Variants in CLDN10 observed in about 807,000 individuals in gnomAD.
CLDN10 encodes claudin 10.
In CLDN10, 15 loss-of-function variants were observed where a neutral mutation model predicts 22.9. That is an observed-to-expected ratio of 0.65 (90% confidence interval 0.44 to 1.01). The LOEUF (loss-of-function observed/expected upper bound fraction) is 1.01, where lower values mean the gene tolerates loss of function less well. Ranked by LOEUF, CLDN10 falls within the 50% of genes least tolerant of loss-of-function variation. The probability of loss-of-function intolerance (pLI) is 0.00; values close to 1 mark genes in which losing one functional copy is unlikely to be tolerated. For missense variants in CLDN10, 247 were observed against 287.8 expected (o/e 0.86, Z 1.03); for synonymous variants, 114 against 111.4 (o/e 1.02, Z -0.15).
chr13:95,498,553 C>T (rs1004530015), intron 1 of CLDN10, among the ~76,000 whole-genome samples: 3 of 152,090 alleles, frequency 2.0e-5, no homozygotes, highest in African/African-American at 7.2e-5. Flanking sequence ...AGCCACCACG[C>T]CTGGCTGATT....
chr13:95,498,356 A>G (rs190037363), intron 1 of CLDN10, among the ~76,000 whole-genome samples: 1 of 152,104 alleles, frequency 6.6e-6, no homozygotes, highest in Non-Finnish European at 1.5e-5. Context: ...CACACACAAG[A>G]TGTCTATGGG....
Position 95,577,925 on chromosome 13 carries a change from G to C in CLDN10, c.598G>C (p.Val200Leu). ...ATACACATACAACGGGGCCACATCT[G>C]TCATGTCTTCTCGGACAAAGTATCA... ...PRYTYNGATS[V>L]MSSRTKYHGG... is the part of the protein sequence containing the mutation. Residue 200 changes from valine (V) to leucine (L), a missense_variant, in exon 5 of 5, where the codon GTC (valine) becomes CTC (leucine). Physicochemically the swap from Val to Leu is conservative, Grantham distance 32 (BLOSUM62 1). Transcript: ENST00000299339. 6.2e-7 allele frequency: 1 copy of C among 1,613,474 alleles called. No individual in the cohort carries two copies. The highest frequency in any genetic ancestry group is 8.5e-7 in the Non-Finnish European group (1 of 1,179,510).
chr13:95,555,047 G>GTTTTTTTTTTT (rs71211686), intron 1 of CLDN10, among the ~76,000 whole-genome samples: 5 of 108,670 alleles, frequency 4.6e-5, no homozygotes, highest in East Asian at 2.8e-4. Context: ...TGTTAATCCA[G>GTTTTTTTTTTT]TTTTTTTTTT....
intron 1 of CLDN10, among the ~76,000 whole-genome samples, chr13:95,484,389 A>G (rs1490725962): frequency 1.3e-5 from 2 of 152,206 alleles, no homozygotes; most frequent in African/African-American, 4.8e-5. Flanking sequence ...TTCCATGTAG[A>G]ATCTATCCTA....
At position 95,471,456 on chromosome 13, in the gene CLDN10, T is replaced by A. The variant is rs1398506230; in HGVS notation, c.214+37409T>A. The stretch of plus-strand genomic sequence containing the variant: ...ACACACACACATATATATATATATT[T>A]TTTTTTTTTTTTTTGAGATGGAGTC... On this transcript the variant is annotated intron_variant, in intron 1 of 4. Coordinates refer to the CLDN10 transcript ENST00000376873. Among the ~76,000 whole-genome samples the A allele has an allele frequency of 6.3e-3, 891 of 140,734 alleles. 5 individuals are homozygous for A. The highest frequency in any genetic ancestry group is 0.017 in the East Asian group (84 of 4,868). 92.3% of individuals were successfully genotyped at this position (140,734 alleles called of 152,430 possible). A position where few individuals can be genotyped will look rare whatever the true frequency, so the allele number is the denominator to read the frequency against.
At position 95,577,917 on chromosome 13, in the gene CLDN10, C is replaced by T; in HGVS notation, c.590C>T (p.Ala197Val). ...CCTTTCAGATACACATACAACGGGG[C>T]CACATCTGTCATGTCTTCTCGGACA... ...NKTPRYTYNG[A>V]TSVMSSRTKY... Residue 197 changes from alanine (A) to valine (V), a missense_variant, in exon 5 of 5, where the codon GCC becomes GTC. By Grantham distance (64) the Ala-to-Val change is moderately conservative. Coordinates refer to ENST00000299339, the MANE Select transcript of CLDN10 (RefSeq NM_006984.5). 6.2e-7 allele frequency: 1 copy of T among 1,612,538 alleles called. No homozygotes were observed. The highest frequency in any genetic ancestry group is 8.5e-7 in the Non-Finnish European group (1 of 1,178,788).
intron 1 of CLDN10, among the ~76,000 whole-genome samples, chr13:95,545,913 G>T (rs1054817531): frequency 1.3e-5 from 2 of 152,126 alleles, no homozygotes; most frequent in African/African-American, 4.8e-5. Flanking sequence ...CTCAAAGCAC[G>T]CAGAAGACAG....
At chr13:95,467,829 G>A (rs1367570285) in intron 1 of CLDN10, among the ~76,000 whole-genome samples, 1 of 152,192 alleles carries the variant, frequency 6.6e-6, no homozygotes, top group Non-Finnish European at 1.5e-5. Context: ...CCACAGGCCA[G>A]CAGGCTCAAA....
chr13:95,535,006 G>C (rs1449422729), intron 1 of CLDN10, among the ~76,000 whole-genome samples: 1 of 152,036 alleles, frequency 6.6e-6, no homozygotes, highest in Non-Finnish European at 1.5e-5. Flanking sequence ...TCTATTGGGG[G>C]AGGAAAGAGT....
intron 1 of CLDN10, among the ~76,000 whole-genome samples, chr13:95,491,018 G>A (rs2042867302): frequency 6.6e-6 from 1 of 152,094 alleles, no homozygotes; most frequent in Non-Finnish European, 1.5e-5. Flanking sequence ...GTCCCTCTTT[G>A]TCTCTTCTAA....
intron 1 of CLDN10, among the ~76,000 whole-genome samples, chr13:95,510,861 T>C (rs11840119): frequency 0.099 from 14,993 of 152,088 alleles, 900 homozygotes; most frequent in Middle Eastern, 0.12. Flanking sequence ...AATAAACCAG[T>C]TGGAAACTTA....
chr13:95,471,404 T>C (rs1340112088), intron 1 of CLDN10, among the ~76,000 whole-genome samples: 2 of 140,400 alleles, frequency 1.4e-5, no homozygotes, highest in East Asian at 4.1e-4. Context: ...CATGTATATA[T>C]ACACACACAC....
chr13:95,523,331 T>C (rs1314228447), intron 1 of CLDN10, among the ~76,000 whole-genome samples: 1 of 152,224 alleles, frequency 6.6e-6, no homozygotes, highest in African/African-American at 2.4e-5. Context: ...TACTCTCAGC[T>C]TGACCTATAT....
intron 1 of CLDN10, among the ~76,000 whole-genome samples, chr13:95,455,086 A>G (rs7332670): frequency 0.33 from 50,573 of 151,810 alleles, 9,266 homozygotes; most frequent in Non-Finnish European, 0.41. Context: ...CTGAGGTGGG[A>G]GGACTGCTTA....
At chr13:95,476,199 G>T (rs1307085536) in intron 1 of CLDN10, among the ~76,000 whole-genome samples, 2 of 151,844 alleles carry the variant, frequency 1.3e-5, no homozygotes, top group African/African-American at 4.8e-5. Context: ...AGACGTGTGT[G>T]GAGCTCAAGA....
At chr13:95,555,047 G>GTTTTTTTTT (rs71211686) in intron 1 of CLDN10, among the ~76,000 whole-genome samples, 23 of 108,618 alleles carry the variant, frequency 2.1e-4, no homozygotes, top group Non-Finnish European at 3.5e-4. Flanking sequence ...TGTTAATCCA[G>GTTTTTTTTT]TTTTTTTTTT....
At chr13:95,474,713 A>G (rs1459594437) in intron 1 of CLDN10, among the ~76,000 whole-genome samples, 1 of 152,206 alleles carries the variant, frequency 6.6e-6, no homozygotes, top group Admixed American at 6.5e-5. Flanking sequence ...CATATGTAGA[A>G]ACGGATGGGG....
At chr13:95,550,054 G>A (rs1381019461), upstream of CLDN10, among the ~76,000 whole-genome samples, 3 of 152,172 alleles carry the variant, frequency 2.0e-5, no homozygotes, top group Non-Finnish European at 4.4e-5. Context: ...CTCAGCCTGA[G>A]TCCACATTAG....
At chr13:95,552,486 G>A (rs1040637796), upstream of CLDN10, among the ~76,000 whole-genome samples, 1 of 152,140 alleles carries the variant, frequency 6.6e-6, no homozygotes, top group Non-Finnish European at 1.5e-5. Flanking sequence ...TCAGGGGAGC[G>A]CAGGCCGGCC....
Sources: allele counts gnomAD v4.1 joint callset (sites outside exome capture counted in the v4.1 genomes callset), GRCh38; gene constraint gnomAD v4.1.1; transcripts MANE v1.5; gene names NCBI Gene and HGNC (gene_info 2026-07-23, HGNC 2026-07-21).